Variants in TAFA4 observed in about 807,000 individuals in gnomAD.
TAFA4 encodes TAFA chemokine like family member 4.
A neutral mutation model predicts 21.1 loss-of-function variants in TAFA4; 20 were observed. The observed-to-expected ratio is 0.95, with a 90% confidence interval of 0.67 to 1.38. TAFA4 has a LOEUF of 1.38. TAFA4 is among the 40% of genes most tolerant of loss of function. The pLI, the probability that TAFA4 is intolerant of heterozygous loss-of-function variation, is 0.00. For synonymous variants in TAFA4, 71 were observed against 67.4 expected, an observed-to-expected ratio of 1.05 and a Z score of -0.26; for missense variants, 211 against 180.9, an observed-to-expected ratio of 1.17 and a Z score of -0.95.
chr3:68,904,221 C>A (rs2089874384), intron 1 of TAFA4, among the ~76,000 whole-genome samples: 1 of 152,190 alleles, frequency 6.6e-6, no homozygotes, highest in African/African-American at 2.4e-5. Context: ...TCAAAGCAAG[C>A]ACCTCTGAAA....
chr3:68,830,757 C>G (rs1704364821), intron 3 of TAFA4, among the ~76,000 whole-genome samples: 1 of 152,176 alleles, frequency 6.6e-6, no homozygotes, highest in African/African-American at 2.4e-5. Flanking sequence ...AATTTTCTGT[C>G]TCGTTGATCT....
chr3:68,811,361 G>A (rs1030418828), intron 3 of TAFA4, among the ~76,000 whole-genome samples: 1 of 151,872 alleles, frequency 6.6e-6, no homozygotes, highest in African/African-American at 2.4e-5. Flanking sequence ...GGCTTCAGAT[G>A]ATCAAACTAC....
intron 3 of TAFA4, among the ~76,000 whole-genome samples, chr3:68,877,983 T>A (rs1167349419): frequency 6.6e-6 from 1 of 152,142 alleles, no homozygotes; most frequent in Non-Finnish European, 1.5e-5. Flanking sequence ...ATAAAACAGG[T>A]TCAGAGAGGT....
intron 3 of TAFA4, among the ~76,000 whole-genome samples, chr3:68,776,545 C>A (rs929620172): frequency 1.3e-5 from 2 of 152,152 alleles, no homozygotes; most frequent in African/African-American, 4.8e-5. Flanking sequence ...GACAAAGAGA[C>A]CATTCTACAT....
At chr3:68,826,715 G>C (rs1704248296) in intron 3 of TAFA4, among the ~76,000 whole-genome samples, 1 of 152,082 alleles carries the variant, frequency 6.6e-6, no homozygotes, top group Admixed American at 6.6e-5. Context: ...AAGGGAAAGA[G>C]GAGGCACAAA....
At chr3:68,831,480 G>A (rs139486875) in intron 3 of TAFA4, among the ~76,000 whole-genome samples, 2,737 of 151,286 alleles carry the variant, frequency 0.018, 43 homozygotes, top group Middle Eastern at 0.042. Context: ...TTCTGGGTTG[G>A]AAATTCTTTT....
chr3:68,877,096 G>A (rs930340529), intron 3 of TAFA4, among the ~76,000 whole-genome samples: 2 of 152,008 alleles, frequency 1.3e-5, no homozygotes, highest in African/African-American at 2.4e-5. Context: ...CAGTGTCTCA[G>A]GCCTGTAATC....
intron 1 of TAFA4, among the ~76,000 whole-genome samples, chr3:68,903,311 A>G (rs1347365635): frequency 1.3e-5 from 2 of 152,184 alleles, no homozygotes; most frequent in Non-Finnish European, 2.9e-5. Flanking sequence ...AGAAAAAAAA[A>G]TGACATCTTA....
chr3:68,759,609 G>A (rs1248128670), intron 3 of TAFA4, among the ~76,000 whole-genome samples: 2 of 152,120 alleles, frequency 1.3e-5, no homozygotes, highest in Non-Finnish European at 2.9e-5. Context: ...GGAACATAAT[G>A]GTGTGGCGAT....
intron 3 of TAFA4, among the ~76,000 whole-genome samples, chr3:68,827,560 T>A (rs1704279674): frequency 6.6e-6 from 1 of 152,212 alleles, no homozygotes; most frequent in African/African-American, 2.4e-5. Flanking sequence ...GTTTCCTGAC[T>A]TTTTAATGAT....
At chr3:68,816,955 C>A (rs1703993580) in intron 3 of TAFA4, among the ~76,000 whole-genome samples, 1 of 152,162 alleles carries the variant, frequency 6.6e-6, no homozygotes, top group Non-Finnish European at 1.5e-5. Context: ...TTGGTGGCTG[C>A]TGACTGATCA....
chr3:68,912,485 T>G (rs1436522180), intron 1 of TAFA4, among the ~76,000 whole-genome samples: 1 of 152,220 alleles, frequency 6.6e-6, no homozygotes, highest in Non-Finnish European at 1.5e-5. Context: ...GGGTTTTTAT[T>G]TTTTGCTGCA....
intron 3 of TAFA4, among the ~76,000 whole-genome samples, chr3:68,780,179 A>G (rs968049854): frequency 2.6e-5 from 4 of 152,166 alleles, no homozygotes; most frequent in African/African-American, 7.2e-5. Flanking sequence ...ATGTACCCCC[A>G]TTGTATATAG....
chr3:68,880,959 C>G (rs994227659), intron 2 of TAFA4, 114 bp from the exon 3 acceptor site: 2 of 719,986 alleles, frequency 2.8e-6, no homozygotes, highest in African/African-American at 3.6e-5. Flanking sequence ...AGCTGGAATT[C>G]CTTTCTCCCA....
intron 3 of TAFA4, among the ~76,000 whole-genome samples, chr3:68,845,689 C>T (rs1704773574): frequency 2.0e-5 from 3 of 152,198 alleles, no homozygotes; most frequent in South Asian, 2.1e-4. Flanking sequence ...GTGCTTCCTT[C>T]AGGAGCTCTT....
At position 68,847,569 on chromosome 3, in the gene TAFA4, G is replaced by A. The variant is rs532220762; in HGVS notation, c.130+33161C>T. On this transcript the variant is annotated intron_variant, in intron 3 of 5. Transcript: ENST00000295569. ...TGGAGTATGGAAAAAACCTCCTGCA[G>A]TTAGCTCGGTGTCTACCCAAAGGGC... Among the ~76,000 whole-genome samples the A allele has an allele frequency of 1.3e-4, 20 of 152,308 alleles. No individual in the cohort carries two copies. The South Asian group carries it at 2.1e-3, about 16-fold the overall frequency.
intron 3 of TAFA4, among the ~76,000 whole-genome samples, chr3:68,866,328 T>C (rs1006270110): frequency 1.3e-5 from 2 of 151,782 alleles, no homozygotes; most frequent in African/African-American, 4.8e-5. Context: ...CTCTGAACCT[T>C]AGTGAGATTA....
At chr3:68,909,908 C>A (rs7627787) in intron 1 of TAFA4, among the ~76,000 whole-genome samples, 146,335 of 152,212 alleles carry the variant, frequency 0.96, 70,620 homozygotes, top group East Asian at 1. Flanking sequence ...TGCTTTCTCA[C>A]CTGGAGGCTT....
At chr3:68,780,234 A>G (rs1335433108) in intron 3 of TAFA4, among the ~76,000 whole-genome samples, 2 of 152,236 alleles carry the variant, frequency 1.3e-5, no homozygotes, top group African/African-American at 4.8e-5. Flanking sequence ...ATAGGCAGAA[A>G]GGACTTGCCT....
Sources: gnomAD v4.1 joint callset for allele counts (sites outside exome capture counted in the v4.1 genomes callset) on GRCh38, gnomAD v4.1.1 for gene constraint, MANE v1.5 for transcripts, NCBI Gene and HGNC (gene_info 2026-07-23, HGNC 2026-07-21) for gene names.